The following CAB39L variants were observed in gnomAD, a reference collection of about 807,000 sequenced individuals.
CAB39L encodes calcium binding protein 39 like.
A neutral mutation model predicts 39.1 loss-of-function variants in CAB39L; 23 were observed. The observed-to-expected ratio is 0.59, with a 90% CI of 0.42 to 0.83. The LOEUF is 0.83. Ranked by LOEUF, CAB39L falls within the 40% of genes least tolerant of loss-of-function variation. The pLI is 0.00. For synonymous variants in CAB39L, 126 were observed against 137.2 expected (o/e 0.92, Z 0.57); for missense variants, 366 against 391.9 (o/e 0.93, Z 0.56).
chr13:49,375,968 G>A (rs751897834), intron 5 of CAB39L, among the ~76,000 whole-genome samples: 4 of 152,152 alleles, frequency 2.6e-5, no homozygotes, highest in Non-Finnish European at 5.9e-5. Context: ...GCCACAACTG[G>A]ACTGCACGCC....
intron 4 of CAB39L, among the ~76,000 whole-genome samples, chr13:49,377,809 G>A (rs1428962969): frequency 1.6e-4 from 15 of 94,998 alleles, no homozygotes; most frequent in Non-Finnish European, 2.1e-4. Context: ...CTGCCCGGCC[G>A]CCACCCCGTC....
At chr13:49,318,248 G>C (rs1251033154) in intron 10 of CAB39L, among the ~76,000 whole-genome samples, 3 of 151,562 alleles carry the variant, frequency 2.0e-5, no homozygotes, top group Admixed American at 6.6e-5. Flanking sequence ...GATCACTTGA[G>C]CCCAGGAGTT....
chr13:49,363,799 G>A (rs1479796799), intron 5 of CAB39L, among the ~76,000 whole-genome samples: 3 of 147,284 alleles, frequency 2.0e-5, no homozygotes, highest in Non-Finnish European at 3.0e-5. Context: ...CTCCAGCCTG[G>A]ATGACAGAGT....
intron 10 of CAB39L, among the ~76,000 whole-genome samples, chr13:49,313,443 TGCACTCTA>T (rs1566399751): frequency 6.7e-6 from 1 of 149,814 alleles, no homozygotes; most frequent in African/African-American, 2.5e-5. Flanking sequence ...ATCGCGCCAC[TGCACTCTA>T]GCCTGGGCAA....
intron 9 of CAB39L, 29 bp downstream of exon 9, chr13:49,339,648 G>C (rs754972832): frequency 7.8e-6 from 12 of 1,535,214 alleles, no homozygotes; most frequent in Non-Finnish European, 1.0e-5. Flanking sequence ...AACTTACGGG[G>C]ACACTGACTT....
intron 3 of CAB39L, among the ~76,000 whole-genome samples, chr13:49,410,206 G>A (rs1956962251): frequency 6.6e-6 from 1 of 152,164 alleles, no homozygotes; most frequent in African/African-American, 2.4e-5. Flanking sequence ...GGCAGATGGT[G>A]ATACTAATAA....
At chr13:49,312,719 C>T (rs12585196) in intron 10 of CAB39L, among the ~76,000 whole-genome samples, 51,022 of 152,092 alleles carry the variant, frequency 0.34, 8,810 homozygotes, top group East Asian at 0.51. Flanking sequence ...GCTAGGAGCA[C>T]GTGGGAGCTA....
At chr13:49,367,715 G>A (rs758477407) in intron 5 of CAB39L, among the ~76,000 whole-genome samples, 37 of 152,258 alleles carry the variant, frequency 2.4e-4, no homozygotes, top group Middle Eastern at 3.4e-3. Context: ...CCAGGAGTTT[G>A]AGACCAGTCT....
chr13:49,330,070 A>G (rs970299889), intron 10 of CAB39L, among the ~76,000 whole-genome samples: 2 of 152,168 alleles, frequency 1.3e-5, no homozygotes, highest in African/African-American at 4.8e-5. Context: ...GCTAGTCAAC[A>G]ACCCAGCCAT....
intron 3 of CAB39L, among the ~76,000 whole-genome samples, chr13:49,395,392 C>T (rs1388443020): frequency 6.6e-6 from 1 of 151,912 alleles, no homozygotes; most frequent in African/African-American, 2.4e-5. Context: ...CTCACCACCA[C>T]GTTCGGCTAT....
At position 49,332,053 on chromosome 13, in the gene CAB39L, G is replaced by A. The variant is rs1216959963; in HGVS notation, c.728C>T (p.Ala243Val). ...CTTGCTGATATACTTTGTCATGATG[G>A]CAAAGTTGTGACGGTCCAGGATCAG... Reference protein sequence around the residue: ...GELILDRHNFAIMTKYISKPE... With the variant: ...GELILDRHNFVIMTKYISKPE... The change falls in exon 10 of 11, where the codon GCC (alanine) becomes GTC (valine). Residue 243 changes from alanine to valine, a missense_variant. Transcript: ENST00000409308. 1.2e-6 allele frequency: 2 copies of A among 1,614,042 alleles called. No individual in the cohort carries two copies. Among genetic ancestry groups the A allele is most frequent in the Non-Finnish European group, 1.7e-6 (2 of 1,179,958 alleles).
At chr13:49,359,874 T>G (rs374229772) in intron 5 of CAB39L, 42 bp from the exon 6 acceptor site, 8 of 1,054,254 alleles carry the variant, frequency 7.6e-6, no homozygotes, top group Admixed American at 1.7e-5. Flanking sequence ...ACACTCTAAA[T>G]GGATGAATTG....
rs541638263 is a variant in CAB39L, at chr13:49,392,053, T to C, written c.-31-9112A>G. On this transcript the variant is annotated intron_variant, in intron 3 of 10. Coordinates refer to ENST00000409308, the MANE Select transcript of CAB39L (RefSeq NM_001079670.3). ...CAGAATAAAAGGATGCATAAATATATATCAAGCAATATTACAACATGAATA... is the reference window on the plus strand; with the variant it reads ...CAGAATAAAAGGATGCATAAATATACATCAAGCAATATTACAACATGAATA... 1.8e-4 allele frequency among the ~76,000 whole-genome samples: 27 copies of C among 152,020 alleles called. 1 individual carries two copies. The South Asian group carries it at 5.4e-3, about 30-fold the overall frequency.
intron 3 of CAB39L, among the ~76,000 whole-genome samples, chr13:49,423,366 C>A (rs1957200466): frequency 6.6e-6 from 1 of 152,192 alleles, no homozygotes; most frequent in South Asian, 2.1e-4. Context: ...AGGTCAGCTA[C>A]TGGAAGCCTA....
chr13:49,374,992 A>G (rs185710377), intron 5 of CAB39L, among the ~76,000 whole-genome samples: 5 of 152,292 alleles, frequency 3.3e-5, no homozygotes, highest in Non-Finnish European at 4.4e-5. Context: ...TCATTTTCCT[A>G]TTTATGGTCA....
At chr13:49,351,636 C>T (rs962796688) in intron 6 of CAB39L, among the ~76,000 whole-genome samples, 1 of 152,128 alleles carries the variant, frequency 6.6e-6, no homozygotes, top group African/African-American at 2.4e-5. Context: ...ATCACTCTGG[C>T]TTCTTGTTGA....
intron 10 of CAB39L, among the ~76,000 whole-genome samples, chr13:49,318,869 G>A (rs1954265682): frequency 1.3e-5 from 2 of 151,800 alleles, no homozygotes; most frequent in South Asian, 4.2e-4. Context: ...GCCAAAAGGT[G>A]CAAACAACCC....
rs543346675 is a variant in CAB39L, at chr13:49,361,883, T to C, written c.277-2051A>G. ...CCTCCTCTTTCCCACTACCTCTACC[T>C]CCACCTTCACAGCAGCAAATACTTA... On this transcript the variant is annotated intron_variant, in intron 5 of 10. Coordinates refer to ENST00000409308, the MANE Select transcript of CAB39L (RefSeq NM_001079670.3). 4.6e-5 allele frequency among the ~76,000 whole-genome samples: 7 copies of C among 152,250 alleles called. No homozygotes were observed. In the South Asian group the frequency reaches 1.5e-3, roughly 32 times the overall value.
At chr13:49,375,321 G>A (rs1478898068) in intron 5 of CAB39L, among the ~76,000 whole-genome samples, 2 of 152,098 alleles carry the variant, frequency 1.3e-5, no homozygotes, top group African/African-American at 2.4e-5. Flanking sequence ...TTCTAATTCC[G>A]AGTCAAGTGT....
Sources: allele counts gnomAD v4.1 joint callset (sites outside exome capture counted in the v4.1 genomes callset), GRCh38; gene constraint gnomAD v4.1.1; transcripts MANE v1.5; gene names NCBI Gene and HGNC (gene_info 2026-07-23, HGNC 2026-07-21).